Variants in ESR1 observed in about 807,000 individuals in gnomAD.
ESR1 encodes the protein estrogen receptor 1, also known as estrogen receptor.
Under a neutral mutation model 52.7 loss-of-function variants are expected in ESR1, and 12 were observed. That is an observed-to-expected ratio of 0.23 (90% CI 0.15 to 0.37). The LOEUF is 0.37. Among genes scored for constraint, ESR1 ranks in the 10% least tolerant of loss-of-function variants. The probability of loss-of-function intolerance (pLI) is 1.00; values close to 1 mark genes in which losing one functional copy is unlikely to be tolerated. For missense variants in ESR1, 584 were observed against 779.7 expected (o/e 0.75, Z 2.99); for synonymous variants, 305 against 316.8 (o/e 0.96, Z 0.39).
intron 2 of ESR1, among the ~76,000 whole-genome samples, chr6:151,852,621 A>G (rs571522177): frequency 6.6e-6 from 1 of 150,600 alleles, no homozygotes; most frequent in South Asian, 2.1e-4. Context: ...ATGATGTCCA[A>G]ACAAGAACCA....
intron 1 of ESR1, among the ~76,000 whole-genome samples, chr6:151,822,636 C>G (rs1214075927): frequency 6.6e-6 from 1 of 152,206 alleles, no homozygotes; most frequent in Non-Finnish European, 1.5e-5. Context: ...AGAGCTCCAG[C>G]AGGTGGAGAG....
At chr6:151,862,575 G>A (rs1789081261) in intron 2 of ESR1, among the ~76,000 whole-genome samples, 1 of 152,168 alleles carries the variant, frequency 6.6e-6, no homozygotes, top group African/African-American at 2.4e-5. Context: ...AAAGGTTTGG[G>A]TGAGCTGAAA....
intron 5 of ESR1, among the ~76,000 whole-genome samples, chr6:152,012,017 TACACACAC>T (rs141508452): frequency 1.4e-5 from 2 of 141,702 alleles, no homozygotes; most frequent in Admixed American, 7.0e-5. Flanking sequence ...TTATTTCTAA[TACACACAC>T]ACACACACAC....
intron 4 of ESR1, among the ~76,000 whole-genome samples, chr6:151,970,176 G>T (rs957010315): frequency 6.6e-6 from 1 of 152,050 alleles, no homozygotes; most frequent in Non-Finnish European, 1.5e-5. Flanking sequence ...TCTTGTACTG[G>T]CTTAGCACAG....
intron 3 of ESR1, among the ~76,000 whole-genome samples, chr6:151,927,129 T>A (rs2032877947): frequency 6.6e-6 from 1 of 152,204 alleles, no homozygotes; most frequent in Non-Finnish European, 1.5e-5. Context: ...TTTTCACTGT[T>A]AATGTGGCAG....
At chr6:151,693,569 A>G (rs1452427639) in intron 1 of ESR1, among the ~76,000 whole-genome samples, 2 of 152,214 alleles carry the variant, frequency 1.3e-5, no homozygotes, top group African/African-American at 2.4e-5. Flanking sequence ...CAACAGAAGC[A>G]TGTTGCTTCA....
intron 4 of ESR1, among the ~76,000 whole-genome samples, chr6:151,967,412 C>T (rs557890630): frequency 6.6e-6 from 1 of 152,156 alleles, no homozygotes; most frequent in African/African-American, 2.4e-5. Flanking sequence ...TCAACTCCCC[C>T]TTATGAGTGA....
chr6:152,010,895 T>C (rs543706609), intron 4 of ESR1, among the ~76,000 whole-genome samples: 1 of 148,500 alleles, frequency 6.7e-6, no homozygotes, highest in Non-Finnish European at 1.5e-5. Flanking sequence ...CTTCTTCTTC[T>C]TCCTCCTCCT....
intron 1 of ESR1, among the ~76,000 whole-genome samples, chr6:151,685,107 CTTTTTTTTTTTTTTTTTTTTTTTT>C (rs772122906): frequency 5.5e-5 from 4 of 72,914 alleles, no homozygotes; most frequent in Admixed American, 1.9e-4. Flanking sequence ...ACACTGGCCT[CTTTTTTTTTTTTTTTTTTTTTTTT>C]TTTTTTTTTT....
At chr6:152,095,260 A>G (rs1049448220) in intron 7 of ESR1, among the ~76,000 whole-genome samples, 1 of 152,146 alleles carries the variant, frequency 6.6e-6, no homozygotes, top group African/African-American at 2.4e-5. Flanking sequence ...CTTTGTTTTT[A>G]TTACTCCTTA....
At chr6:152,083,885 C>G (rs1294103997) in intron 6 of ESR1, among the ~76,000 whole-genome samples, 3 of 152,136 alleles carry the variant, frequency 2.0e-5, no homozygotes, top group Non-Finnish European at 4.4e-5. Context: ...GGATCTAGAA[C>G]TAGAAATACC....
intron 2 of ESR1, among the ~76,000 whole-genome samples, chr6:151,849,664 G>T (rs568906369): frequency 6.6e-6 from 1 of 151,366 alleles, no homozygotes; most frequent in Admixed American, 6.6e-5. Context: ...AAATAATAAT[G>T]ATAGATAAAA....
chr6:151,680,498 C>G (rs1463010980), intron 1 of ESR1, among the ~76,000 whole-genome samples: 1 of 152,184 alleles, frequency 6.6e-6, no homozygotes, highest in African/African-American at 2.4e-5. Flanking sequence ...CCATGCCCGG[C>G]CAGATGGCCA....
rs1199517689 is a variant in ESR1, at chr6:152,098,958, A to G, written c.1780A>G (p.Thr594Ala). The G allele has an allele frequency of 3.1e-6, 5 of 1,612,824 alleles. No homozygotes were observed. Among genetic ancestry groups the G allele is most frequent in the Non-Finnish European group, 4.2e-6 (5 of 1,178,900 alleles). ...ITGEAEGFPA[T>A]V ...GGGGGAGGCAGAGGGTTTCCCTGCCACGGTCTGAGAGCTCCCTGGCTCCCA... is the reference window on the plus strand; with the variant it reads ...GGGGGAGGCAGAGGGTTTCCCTGCCGCGGTCTGAGAGCTCCCTGGCTCCCA... Residue 594 changes from threonine to alanine, a missense_variant, in exon 8 of 8, where the codon ACG becomes GCG. Coordinates refer to ENST00000206249, the MANE Select transcript of ESR1 (RefSeq NM_000125.4). This position sits in a 1 kb window ranked among gnomAD's most constrained non-coding sequence, Gnocchi z 5.1.
chr6:151,823,382 C>T (rs1780914239), intron 1 of ESR1, among the ~76,000 whole-genome samples: 2 of 152,148 alleles, frequency 1.3e-5, no homozygotes, highest in Admixed American at 6.5e-5. Flanking sequence ...ACATTGCTGT[C>T]ATTCAGATAA....
At chr6:152,050,308 G>C (rs2046577512) in intron 5 of ESR1, among the ~76,000 whole-genome samples, 2 of 152,134 alleles carry the variant, frequency 1.3e-5, no homozygotes, top group South Asian at 4.1e-4. Context: ...CTGGCTTTCA[G>C]TCTCATACCA....
In ESR1 at chr6:152,069,607, C is replaced by T. The variant is rs1423874922; in HGVS notation, c.1369+8483C>T. On this transcript the variant is annotated intron_variant, in intron 6 of 7. Transcript: ENST00000206249. Reference sequence around the variant, plus strand: ...TGTAGGGTGGGGTGGGGGATAGCTTCGGGATGAAACTGATCCACCTCAGAT... The same window carrying T: ...TGTAGGGTGGGGTGGGGGATAGCTTTGGGATGAAACTGATCCACCTCAGAT... 3.7e-5 allele frequency among the ~76,000 whole-genome samples: 5 copies of T among 135,494 alleles called. 1 individual carries two copies. The highest frequency in any genetic ancestry group is 4.8e-4 in the East Asian group (2 of 4,162). The allele number at this position is 135,494 out of a possible 152,430, so 88.9% of individuals were successfully genotyped here. A position where few individuals can be genotyped will look rare whatever the true frequency, so the allele number is the denominator to read the frequency against.
downstream of ESR1, among the ~76,000 whole-genome samples, chr6:152,108,134 A>T (rs1397484867): frequency 6.6e-6 from 1 of 152,012 alleles, no homozygotes. Flanking sequence ...GCCTGGGCAC[A>T]CTCTGATCTC....
intron 1 of ESR1, among the ~76,000 whole-genome samples, chr6:151,680,189 C>CA (rs1440573603): frequency 3.5e-5 from 5 of 144,718 alleles, no homozygotes; most frequent in African/African-American, 1.3e-4. Flanking sequence ...AGCCACCTTG[C>CA]TTTTTTTCTT....
Sources: allele counts gnomAD v4.1 joint callset (sites outside exome capture counted in the v4.1 genomes callset), GRCh38; gene constraint gnomAD v4.1.1; non-coding constraint Gnocchi (gnomAD v3.1); transcripts MANE v1.5; gene names NCBI Gene and HGNC (gene_info 2026-07-23, HGNC 2026-07-21).